Variants in EYS observed in about 807,000 individuals in gnomAD.
EYS encodes the protein protein eyes shut homolog.
In EYS, 250 loss-of-function variants were observed where a neutral mutation model predicts 282.1. That is an observed-to-expected ratio of 0.89 (90% CI 0.80 to 0.98). The LOEUF (loss-of-function observed/expected upper bound fraction) is 0.98, where lower values mean the gene tolerates loss of function less well. Among genes scored for constraint, EYS ranks in the 50% least tolerant of loss-of-function variants. The pLI, the probability that EYS is intolerant of heterozygous loss-of-function variation, is 0.00. For synonymous variants in EYS, 1,355 were observed against 1,282.9 expected (o/e 1.06, Z -1.20); for missense variants, 4,016 against 3,709.0 (o/e 1.08, Z -2.15).
chr6:64,645,686 A>G (rs2149874477), intron 22 of EYS, among the ~76,000 whole-genome samples: 1 of 136,916 alleles, frequency 7.3e-6, no homozygotes, highest in Admixed American at 7.8e-5. Flanking sequence ...GATGAATGTA[A>G]ATAATAAGTG....
intron 5 of EYS, among the ~76,000 whole-genome samples, chr6:65,457,305 C>A (rs1423715408): frequency 1.3e-5 from 2 of 152,100 alleles, no homozygotes; most frequent in Non-Finnish European, 1.5e-5. Flanking sequence ...TCTGTGACCA[C>A]AGGCATGTGC....
rs142547050 is a variant in EYS at position 63,801,819 on chromosome 6, T to C, written c.7411+4371A>G. Among the ~76,000 whole-genome samples the C allele has an allele frequency of 2.4e-3, 360 of 152,286 alleles. 2 individuals carry two copies. Among genetic ancestry groups the C allele is most frequent in the African/African-American group, 8.3e-3 (343 of 41,564 alleles). On this transcript the variant is annotated intron_variant, in intron 37 of 42. Coordinates refer to ENST00000503581, the MANE Select transcript of EYS (RefSeq NM_001142800.2). The stretch of plus-strand genomic sequence containing the variant: ...GTATTTGCAAAATGAGTGTTCAGCT[T>C]TGAAAGACTCAGAGAAGACTATCAT...
At chr6:64,829,850 A>G (rs1189962899) in intron 19 of EYS, among the ~76,000 whole-genome samples, 1 of 151,992 alleles carries the variant, frequency 6.6e-6, no homozygotes, top group South Asian at 2.1e-4. Flanking sequence ...TGTGCTTTGC[A>G]TTCCTGAAAA....
chr6:64,122,672 T>A (rs1194304121), intron 31 of EYS, among the ~76,000 whole-genome samples: 1 of 152,038 alleles, frequency 6.6e-6, no homozygotes, highest in Non-Finnish European at 1.5e-5. Context: ...GTTAAAAAAA[T>A]GAAATAATAT....
intron 8 of EYS, 27 bp from the exon 9 acceptor site, chr6:65,353,644 G>C: frequency 6.3e-7 from 1 of 1,594,018 alleles, no homozygotes; most frequent in South Asian, 1.1e-5. Context: ...AGGAAAAATG[G>C]TAAATTCTTT....
intron 29 of EYS, among the ~76,000 whole-genome samples, chr6:64,363,436 T>G (rs895675292): frequency 1.3e-5 from 2 of 151,876 alleles, no homozygotes; most frequent in Admixed American, 6.6e-5. Flanking sequence ...CATTAATGAA[T>G]GTTTTCATGT....
chr6:64,420,043 C>T (rs1487555548), intron 28 of EYS, among the ~76,000 whole-genome samples: 1 of 152,214 alleles, frequency 6.6e-6, no homozygotes, highest in Admixed American at 6.5e-5. Context: ...GACATCCAGG[C>T]ATTTCCATAC....
chr6:65,180,513 C>A (rs1349394991), intron 12 of EYS, among the ~76,000 whole-genome samples: 1 of 152,012 alleles, frequency 6.6e-6, no homozygotes, highest in African/African-American at 2.4e-5. Context: ...CGTGAAGGAC[C>A]TCTTCAAGGA....
chr6:64,934,680 T>C (rs990808204), intron 15 of EYS, among the ~76,000 whole-genome samples: 7 of 151,796 alleles, frequency 4.6e-5, no homozygotes, highest in Non-Finnish European at 4.4e-5. Flanking sequence ...ACCTTCTAAA[T>C]TAAAGCAGAA....
intron 2 of EYS, among the ~76,000 whole-genome samples, chr6:65,514,844 A>G (rs1562234574): frequency 6.6e-6 from 1 of 152,216 alleles, no homozygotes; most frequent in Non-Finnish European, 1.5e-5. Context: ...ACCCTAGAAG[A>G]AAACCTAGGC....
chr6:65,433,008 C>T (rs1582284268), intron 5 of EYS, among the ~76,000 whole-genome samples: 1 of 151,998 alleles, frequency 6.6e-6, no homozygotes, highest in Non-Finnish European at 1.5e-5. Flanking sequence ...GTGGATATCA[C>T]GTGTTTGTTT....
chr6:65,468,702 A>G (rs1765098381), intron 5 of EYS, among the ~76,000 whole-genome samples: 1 of 152,010 alleles, frequency 6.6e-6, no homozygotes, highest in African/African-American at 2.4e-5. Flanking sequence ...TGATATACCT[A>G]TGATTGCAAA....
intron 24 of EYS, among the ~76,000 whole-genome samples, chr6:64,611,288 T>C (rs1285826471): frequency 2.0e-5 from 3 of 147,934 alleles, no homozygotes; most frequent in Middle Eastern, 3.4e-3. Context: ...CACTATGTGG[T>C]GCAGATTAAG....
chr6:64,525,475 G>C (rs1324693531), intron 26 of EYS, among the ~76,000 whole-genome samples: 1 of 151,512 alleles, frequency 6.6e-6, no homozygotes, highest in Non-Finnish European at 1.5e-5. Flanking sequence ...TGAATAATGA[G>C]AACTGATAGA....
intron 22 of EYS, among the ~76,000 whole-genome samples, chr6:64,627,119 T>C (rs1466478512): frequency 6.6e-6 from 1 of 152,214 alleles, no homozygotes; most frequent in Non-Finnish European, 1.5e-5. Flanking sequence ...TGTCCATAGC[T>C]ATAGATACAG....
intron 14 of EYS, among the ~76,000 whole-genome samples, chr6:64,958,190 G>A (rs948437927): frequency 4.6e-5 from 7 of 151,730 alleles, no homozygotes; most frequent in South Asian, 2.1e-4. Flanking sequence ...AATAACATAC[G>A]TATATACCAT....
chr6:65,443,444 C>A lies in EYS; in HGVS notation c.863-38077G>T, dbSNP rs866305159. Among the ~76,000 whole-genome samples the A allele has an allele frequency of 1.2e-4, 18 of 146,750 alleles. 1 individual carries two copies. The highest frequency in any genetic ancestry group is 2.9e-4 in the African/African-American group (12 of 40,822). On this transcript the variant is annotated intron_variant, in intron 5 of 42. Transcript: ENST00000503581. ...TATGTACATATATGTACACATATAG[C>A]CATATGTACATATACGCCATACACA...
At chr6:64,806,124 ATAAATT>A (rs1332235072) in intron 22 of EYS, among the ~76,000 whole-genome samples, 1 of 151,752 alleles carries the variant, frequency 6.6e-6, no homozygotes, top group Non-Finnish European at 1.5e-5. Flanking sequence ...AGTAATAGTC[ATAAATT>A]TAGAGTATTA....
intron 12 of EYS, among the ~76,000 whole-genome samples, chr6:65,262,680 T>C (rs1387831809): frequency 6.6e-6 from 1 of 152,166 alleles, no homozygotes; most frequent in Non-Finnish European, 1.5e-5. Context: ...ATTTATGTAT[T>C]AGTTTTTCAA....
Sources: gnomAD v4.1 joint callset for allele counts (sites outside exome capture counted in the v4.1 genomes callset) on GRCh38, gnomAD v4.1.1 for gene constraint, MANE v1.5 for transcripts, NCBI Gene and HGNC (gene_info 2026-07-23, HGNC 2026-07-21) for gene names.